SHISA9: variants seen among roughly 807,000 people sequenced by gnomAD.
The protein encoded by SHISA9 is protein shisa-9.
A neutral mutation model predicts 38.0 loss-of-function variants in SHISA9; 13 were observed. The ratio of observed to expected loss-of-function variants is 0.34; its 90% confidence interval spans 0.22 to 0.54. The LOEUF (loss-of-function observed/expected upper bound fraction) is 0.54, where lower values mean the gene tolerates loss of function less well. SHISA9 is among the 20% of genes least tolerant of loss of function. The probability of loss-of-function intolerance (pLI) is 0.91; values close to 1 mark genes in which losing one functional copy is unlikely to be tolerated. For synonymous variants in SHISA9, 275 were observed against 242.0 expected (o/e 1.14, Z -1.27); for missense variants, 538 against 575.8 (o/e 0.93, Z 0.67).
the SHISA9 span, among the ~76,000 whole-genome samples, chr16:13,297,954 C>T: frequency 6.6e-6 from 1 of 152,144 alleles, no homozygotes; most frequent in African/African-American, 2.4e-5. Context: ...CAGGGTTTCT[C>T]CATGTTGGTC....
chr16:13,262,635 A>AGGAAGGAG, the SHISA9 span, among the ~76,000 whole-genome samples: 8 of 45,148 alleles, frequency 1.8e-4, no homozygotes, highest in South Asian at 7.1e-3. Context: ...TTATTGTGGA[A>AGGAAGGAG]GGAAGGAAGG....
At chr16:13,483,480 T>C in the SHISA9 span, among the ~76,000 whole-genome samples, 1 of 152,070 alleles carries the variant, frequency 6.6e-6, no homozygotes, top group East Asian at 1.9e-4. Context: ...AGGGTTGTGG[T>C]GTTTTGATAT....
the SHISA9 span, among the ~76,000 whole-genome samples, chr16:13,296,459 C>G: frequency 6.6e-6 from 1 of 151,702 alleles, no homozygotes; most frequent in African/African-American, 2.4e-5. Flanking sequence ...CTCACTGTGT[C>G]CGAGAATACT....
Position 13,069,410 on chromosome 16 carries a change from G to A in SHISA9, c.692-133984G>A, listed in dbSNP as rs140523174. On this transcript the variant is annotated intron_variant, in intron 2 of 4. Transcript: ENST00000558583. The stretch of plus-strand genomic sequence containing the variant: ...ATGTGTATGTGTGTACATACAATGT[G>A]TGCATGTGTGTGTATGTGTATGTGT... Among the ~76,000 whole-genome samples, 159 of 152,230 alleles carry A rather than the reference G, an allele frequency of 1.0e-3. 2 individuals carry two copies. Among genetic ancestry groups the A allele is most frequent in the Non-Finnish European group, 1.8e-3 (121 of 68,006 alleles).
intron 2 of SHISA9, among the ~76,000 whole-genome samples, chr16:12,928,367 A>G (rs1293445799): frequency 6.6e-6 from 1 of 151,914 alleles, no homozygotes; most frequent in Non-Finnish European, 1.5e-5. Context: ...CTTTATAATC[A>G]GACCATCCAT....
chr16:12,956,586 A>C (rs1186192771), intron 2 of SHISA9, among the ~76,000 whole-genome samples: 1 of 152,230 alleles, frequency 6.6e-6, no homozygotes, highest in Non-Finnish European at 1.5e-5. Context: ...ACATGTATGC[A>C]GCTGGAGGCC....
At chr16:13,294,671 A>G in the SHISA9 span, among the ~76,000 whole-genome samples, 1 of 152,200 alleles carries the variant, frequency 6.6e-6, no homozygotes, top group Admixed American at 6.5e-5. Context: ...AGGCACTGTT[A>G]TCCTTATGGG....
chr16:13,057,629 A>G (rs1472056787), intron 2 of SHISA9, among the ~76,000 whole-genome samples: 3 of 152,160 alleles, frequency 2.0e-5, no homozygotes, highest in African/African-American at 7.2e-5. Context: ...CTTGCTCTAA[A>G]TAAGTGATAC....
At chr16:13,394,021 G>T in the SHISA9 span, among the ~76,000 whole-genome samples, 5 of 152,182 alleles carry the variant, frequency 3.3e-5, no homozygotes, top group Non-Finnish European at 1.5e-5. Context: ...CCACCCCATT[G>T]ACACTGGGTT....
Position 13,235,297 on chromosome 16 carries a change from A to C in SHISA9, c.1163A>C (p.Lys388Thr). 4 of 1,551,292 alleles carry C rather than the reference A, an allele frequency of 2.6e-6. 1 individual carries two copies. The highest frequency in any genetic ancestry group is 3.5e-6 in the Non-Finnish European group (4 of 1,147,024). Residue 388 changes from lysine to threonine, a missense_variant, in exon 5 of 5, where the codon AAG becomes ACG. Lys to Thr is a moderately conservative substitution (Grantham distance 78). Coordinates refer to ENST00000558583, the MANE Select transcript of SHISA9 (RefSeq NM_001145204.3). ...LRRQAYSNKG[K>T]LGTAETGSSD... ...CGGCAGGCTTACAGCAACAAGGGCA[A>C]GCTTGGCACGGCCGAGACAGGCTCC...
chr16:13,318,478 C>T, the SHISA9 span, among the ~76,000 whole-genome samples: 191 of 152,252 alleles, frequency 1.3e-3, no homozygotes, highest in African/African-American at 4.0e-3. Flanking sequence ...AGGTGTGTGC[C>T]ACCCCTCCCA....
At chr16:13,231,012 A>C (rs534352549) in intron 4 of SHISA9, among the ~76,000 whole-genome samples, 23 of 152,218 alleles carry the variant, frequency 1.5e-4, no homozygotes, top group Admixed American at 3.9e-4. Context: ...AGCCTTTATG[A>C]CTTGTGCCAG....
the SHISA9 span, among the ~76,000 whole-genome samples, chr16:13,271,085 GT>G: frequency 6.6e-6 from 1 of 152,256 alleles, no homozygotes; most frequent in East Asian, 1.9e-4. Context: ...AGACTTTGGG[GT>G]TCAGTGGGTA....
the SHISA9 span, among the ~76,000 whole-genome samples, chr16:13,558,928 T>G: frequency 3.9e-5 from 6 of 152,360 alleles, no homozygotes; most frequent in Admixed American, 3.9e-4. Flanking sequence ...GTCACGAGTA[T>G]TGATTCGGGG....
the SHISA9 span, among the ~76,000 whole-genome samples, chr16:13,423,336 G>A: frequency 1.2e-4 from 18 of 152,172 alleles, 1 homozygote; most frequent in Non-Finnish European, 1.5e-4. Context: ...CTTTATTTTT[G>A]TTTTATTACA....
At chr16:13,036,339 A>T (rs1451456404) in intron 2 of SHISA9, among the ~76,000 whole-genome samples, 2 of 152,238 alleles carry the variant, frequency 1.3e-5, no homozygotes, top group Non-Finnish European at 2.9e-5. Flanking sequence ...AATCAATTTT[A>T]AAAATTATGC....
At chr16:13,026,533 G>A (rs1332771005) in intron 2 of SHISA9, among the ~76,000 whole-genome samples, 1 of 152,166 alleles carries the variant, frequency 6.6e-6, no homozygotes, top group African/African-American at 2.4e-5. Context: ...TGCTGCAATG[G>A]ACATGGGAGT....
chr16:13,288,706 G>T, the SHISA9 span, among the ~76,000 whole-genome samples: 1 of 152,058 alleles, frequency 6.6e-6, no homozygotes, highest in Non-Finnish European at 1.5e-5. Flanking sequence ...AGGCAGAATA[G>T]CTTGAACCCA....
the SHISA9 span, among the ~76,000 whole-genome samples, chr16:13,380,268 C>A: frequency 6.6e-6 from 1 of 152,102 alleles, no homozygotes; most frequent in Non-Finnish European, 1.5e-5. Context: ...GATGTCCTTT[C>A]TAACCCAGTG....
Sources: allele counts gnomAD v4.1 joint callset (sites outside exome capture counted in the v4.1 genomes callset), GRCh38; gene constraint gnomAD v4.1.1; transcripts MANE v1.5; gene names NCBI Gene and HGNC (gene_info 2026-07-23, HGNC 2026-07-21).